Variants in TEX15 observed in about 807,000 individuals in gnomAD.
TEX15 encodes the protein testis-expressed protein 15.
A neutral mutation model predicts 237.3 loss-of-function variants in TEX15; 171 were observed. The observed-to-expected ratio is 0.72, with a 90% CI of 0.64 to 0.82. The LOEUF is 0.82. TEX15 is among the 40% of genes least tolerant of loss of function. TEX15 has a pLI of 0.00. For synonymous variants in TEX15, 1,338 were observed against 1,269.8 expected (o/e 1.05, Z -1.14); for missense variants, 3,750 against 3,646.5 (o/e 1.03, Z -0.73).
At chr8:30,873,098 A>G (rs1808327157) in intron 4 of TEX15, among the ~76,000 whole-genome samples, 1 of 152,166 alleles carries the variant, frequency 6.6e-6, no homozygotes, top group Non-Finnish European at 1.5e-5. Context: ...ATTTCTCACA[A>G]CATATTCCTG....
chr8:30,912,729 T>A (rs981817657), intron 1 of TEX15, 150 bp downstream of exon 1: 2 of 152,240 alleles, frequency 1.3e-5, no homozygotes, highest in African/African-American at 2.4e-5. Flanking sequence ...TTATTATTTT[T>A]AAAAATAAAT....
At chr8:30,885,971 G>GTT (rs1808638030) in intron 3 of TEX15, among the ~76,000 whole-genome samples, 1 of 152,108 alleles carries the variant, frequency 6.6e-6, no homozygotes, top group East Asian at 1.9e-4. Flanking sequence ...TGTTTCAAAA[G>GTT]TGTCTGTAAC....
At chr8:30,833,694 T>G (rs1308730013) in intron 10 of TEX15, among the ~76,000 whole-genome samples, 1 of 152,220 alleles carries the variant, frequency 6.6e-6, no homozygotes, top group Non-Finnish European at 1.5e-5. Context: ...GATTTTCACA[T>G]TTTTAAGAAT....
chr8:30,860,188 G>T, intron 5 of TEX15, 131 bp from the exon 6 acceptor site: 1 of 755,614 alleles, frequency 1.3e-6, no homozygotes, highest in Non-Finnish European at 1.9e-6. Context: ...GTTCAGTCCA[G>T]GCTGGAGTTG....
At position 30,881,610 on chromosome 8, in the gene TEX15, C is replaced by CTTTTTTTTTTTTTTTTTTTTTTTTTT. The variant is rs1164594718; in HGVS notation, c.136+5556_136+5557insAAAAAAAAAAAAAAAAAAAAAAAAAA. Among the ~76,000 whole-genome samples the CTTTTTTTTTTTTTTTTTTTTTTTTTT allele has an allele frequency of 8.2e-5, 9 of 109,426 alleles. 2 individuals are homozygous for CTTTTTTTTTTTTTTTTTTTTTTTTTT. The highest frequency in any genetic ancestry group is 1.8e-4 in the Admixed American group (2 of 10,902). 71.8% of individuals were successfully genotyped at this position (109,426 alleles called of 152,430 possible). ...TTCATTAATTATCCTTCCATCTTGACTTTTTATTTTTTTTTATTATTTTTT... is the reference window on the plus strand; with the variant it reads ...TTCATTAATTATCCTTCCATCTTGACTTTTTTTTTTTTTTTTTTTTTTTTTTTTTTTATTTTTTTTTATTATTTTTT... On this transcript the variant is annotated intron_variant, in intron 3 of 10. Coordinates refer to ENST00000643185, the MANE Select transcript of TEX15 (RefSeq NM_001350162.2).
At chr8:30,889,334 C>T (rs546689177) in intron 2 of TEX15, among the ~76,000 whole-genome samples, 6 of 152,132 alleles carry the variant, frequency 3.9e-5, no homozygotes, top group Non-Finnish European at 8.8e-5. Context: ...TGCCTGTAAT[C>T]CCAGCTAATC....
In TEX15 at chr8:30,847,502, CCTG is replaced by C. The variant is rs769405217; in HGVS notation, c.2662_2664del (p.Gln888del). ...CTGAAATTTTCGTTTGTATGAGAAT[CCTG>C]CTTTTTGTCTCCATATATGTTCTCT... On this transcript the variant is annotated inframe_deletion, in exon 8 of 11. Transcript: ENST00000643185. 2.7e-5 allele frequency: 44 copies of C among 1,613,312 alleles called. No homozygotes were observed. Among genetic ancestry groups the C allele is most frequent in the African/African-American group, 1.9e-4 (14 of 74,894 alleles).
At chr8:30,880,073 G>A (rs1808486291) in intron 3 of TEX15, among the ~76,000 whole-genome samples, 1 of 152,086 alleles carries the variant, frequency 6.6e-6, no homozygotes. Flanking sequence ...CTGTCACCCA[G>A]GCTGGAATGC....
chr8:30,840,244 G>T (rs1044865870), intron 8 of TEX15, among the ~76,000 whole-genome samples: 2 of 150,918 alleles, frequency 1.3e-5, no homozygotes, highest in African/African-American at 4.9e-5. Flanking sequence ...CACCCAGGCT[G>T]AAGTGCAGTG....
chr8:30,838,715 CACAT>C (rs1400032927), intron 9 of TEX15, among the ~76,000 whole-genome samples: 21 of 133,886 alleles, frequency 1.6e-4, no homozygotes, highest in African/African-American at 3.0e-4. Flanking sequence ...CACACACACA[CACAT>C]ATATACACAC....
At chr8:30,907,775 A>C (rs1236339928) in intron 1 of TEX15, among the ~76,000 whole-genome samples, 2 of 64,082 alleles carry the variant, frequency 3.1e-5, no homozygotes, top group Admixed American at 3.3e-4. Context: ...TAATTACACC[A>C]AAAAAAAAAA....
intron 1 of TEX15, among the ~76,000 whole-genome samples, chr8:30,910,578 G>A (rs963362538): frequency 7.3e-5 from 11 of 150,694 alleles, no homozygotes; most frequent in African/African-American, 2.5e-4. Context: ...CCAAATAGCT[G>A]GGGACCAAAG....
chr8:30,885,257 A>C (rs561097342), intron 3 of TEX15, among the ~76,000 whole-genome samples: 3 of 152,004 alleles, frequency 2.0e-5, no homozygotes, highest in African/African-American at 7.2e-5. Context: ...CATAATTCCC[A>C]TGTTTTGTGG....
In TEX15 at chr8:30,896,707, A is replaced by C. The variant is rs115075403; in HGVS notation, c.-10+2035T>G. On this transcript the variant is annotated intron_variant, in intron 2 of 10. Transcript: ENST00000643185. Reference sequence around the variant, plus strand: ...TCAGAAAGATATGCAGTATCAAAAGAAAGCCTCATACATTAGAATGCACTA... The same window carrying C: ...TCAGAAAGATATGCAGTATCAAAAGCAAGCCTCATACATTAGAATGCACTA... Among the ~76,000 whole-genome samples the C allele has an allele frequency of 4.7e-3, 716 of 152,320 alleles. 9 individuals are homozygous for C. The highest frequency in any genetic ancestry group is 0.017 in the African/African-American group (700 of 41,566).
chr8:30,854,029 AG>A (rs1266754470), intron 7 of TEX15, among the ~76,000 whole-genome samples: 6 of 152,110 alleles, frequency 3.9e-5, no homozygotes, highest in Admixed American at 3.9e-4. Flanking sequence ...ATAGCTATAA[AG>A]ACCTATATTA....
At chr8:30,904,248 A>G (rs1809056075) in intron 1 of TEX15, among the ~76,000 whole-genome samples, 1 of 152,156 alleles carries the variant, frequency 6.6e-6, no homozygotes, top group Non-Finnish European at 1.5e-5. Flanking sequence ...GGAGTTTGAG[A>G]CCAGCCTGGC....
At chr8:30,900,406 C>A in intron 1 of TEX15, among the ~76,000 whole-genome samples, 1 of 152,178 alleles carries the variant, frequency 6.6e-6, no homozygotes, top group East Asian at 1.9e-4. Context: ...CCAGCATTCA[C>A]ATAAGGATAT....
At chr8:30,901,873 G>A (rs1809011821) in intron 1 of TEX15, among the ~76,000 whole-genome samples, 1 of 152,190 alleles carries the variant, frequency 6.6e-6, no homozygotes, top group Non-Finnish European at 1.5e-5. Flanking sequence ...TTGTCACCTG[G>A]ACATGTCCTA....
chr8:30,907,102 T>C (rs1198152234), intron 1 of TEX15, among the ~76,000 whole-genome samples: 2 of 152,202 alleles, frequency 1.3e-5, no homozygotes, highest in African/African-American at 4.8e-5. Flanking sequence ...TTGCCCTATG[T>C]AATTATACCA....
Sources: allele counts gnomAD v4.1 joint callset (sites outside exome capture counted in the v4.1 genomes callset), GRCh38; gene constraint gnomAD v4.1.1; transcripts MANE v1.5; gene names NCBI Gene and HGNC (gene_info 2026-07-23, HGNC 2026-07-21).